The following MMRN1 variants were observed in gnomAD, a reference collection of about 807,000 sequenced individuals.
MMRN1 encodes multimerin-1.
A neutral mutation model predicts 100.7 loss-of-function variants in MMRN1; 94 were observed. The observed-to-expected ratio is 0.93, with a 90% CI of 0.79 to 1.11. The LOEUF is 1.11. MMRN1 is among the 50% of genes least tolerant of loss of function. The probability of loss-of-function intolerance (pLI) is 0.00; values close to 1 mark genes in which losing one functional copy is unlikely to be tolerated. For missense variants in MMRN1, 1,606 were observed against 1,439.1 expected (o/e 1.12, Z -1.88); for synonymous variants, 575 against 505.0 (o/e 1.14, Z -1.86).
chr4:89,911,413 A>T (rs1721746782), intron 2 of MMRN1, among the ~76,000 whole-genome samples: 1 of 151,334 alleles, frequency 6.6e-6, no homozygotes, highest in South Asian at 2.1e-4. Flanking sequence ...ATATGACAAA[A>T]ATAGTAGGTA....
chr4:89,888,894 C>T (rs182316702), intron 1 of MMRN1, among the ~76,000 whole-genome samples: 3 of 152,096 alleles, frequency 2.0e-5, no homozygotes, highest in African/African-American at 7.2e-5. Context: ...CTCTCTTATA[C>T]TTCCAATATC....
chr4:89,935,153 T>C lies in MMRN1; in HGVS notation c.1473T>C (p.Ala491=). 3.7e-6 allele frequency: 6 copies of C among 1,613,486 alleles called. No homozygotes were observed. Among genetic ancestry groups the C allele is most frequent in the Non-Finnish European group, 5.1e-6 (6 of 1,179,704 alleles). ...LEVKQTHLEG[A]LEQEHSRSIL... is the part of the protein sequence containing the mutation. Reference sequence around the variant, plus strand: ...TAAAGCAGACTCATTTAGAAGGTGCTCTAGAACAGGAACACTCAAGAAGCA... The same window carrying C: ...TAAAGCAGACTCATTTAGAAGGTGCCCTAGAACAGGAACACTCAAGAAGCA... The change falls in exon 6 of 8, where the codon GCT becomes GCC. Residue 491 remains alanine, a synonymous_variant. Transcript: ENST00000264790.
Position 89,936,691 on chromosome 4 carries a change from T to C in MMRN1, c.3011T>C (p.Val1004Ala), listed in dbSNP as rs755818683. 3.7e-6 allele frequency: 6 copies of C among 1,613,480 alleles called. No homozygotes were observed. Among genetic ancestry groups the C allele is most frequent in the Non-Finnish European group, 5.1e-6 (6 of 1,179,656 alleles). Residue 1004 changes from valine (V) to alanine (A), a missense_variant, in exon 6 of 8, where the codon GTA becomes GCA. Coordinates refer to ENST00000264790, the MANE Select transcript of MMRN1 (RefSeq NM_007351.3). Reference protein sequence around the residue: ...LANVVKSQKQVKSLPKKINAL... With the variant: ...LANVVKSQKQAKSLPKKINAL... ...AATGTTGTCAAGTCTCAGAAGCAAG[T>C]AAAATCATTGCCAAAGAAAATTAAC...
intron 5 of MMRN1, among the ~76,000 whole-genome samples, chr4:89,928,203 T>C (rs1424652802): frequency 6.6e-6 from 1 of 152,128 alleles, no homozygotes; most frequent in Non-Finnish European, 1.5e-5. Flanking sequence ...TTGATAAACA[T>C]GATGTCTCTA....
chr4:89,950,804 T>C (rs1169251220), intron 6 of MMRN1, among the ~76,000 whole-genome samples: 1 of 152,084 alleles, frequency 6.6e-6, no homozygotes, highest in Non-Finnish European at 1.5e-5. Flanking sequence ...AGCCATCCTC[T>C]TGCCTTGGCC....
chr4:89,918,035 A>AT (rs1376156627), intron 3 of MMRN1, among the ~76,000 whole-genome samples: 2 of 151,610 alleles, frequency 1.3e-5, no homozygotes, highest in Non-Finnish European at 3.0e-5. Context: ...TATTTATTGC[A>AT]TTTTTTTAGT....
At chr4:89,891,071 G>T (rs2110574865), upstream of MMRN1, among the ~76,000 whole-genome samples, 1 of 151,810 alleles carries the variant, frequency 6.6e-6, no homozygotes, top group Admixed American at 6.6e-5. Flanking sequence ...CCAGTCTTTG[G>T]TTTATTATTC....
At chr4:89,887,131 T>C (rs1289491915) in intron 1 of MMRN1, among the ~76,000 whole-genome samples, 3 of 151,984 alleles carry the variant, frequency 2.0e-5, no homozygotes, top group African/African-American at 7.2e-5. Flanking sequence ...TTGTCAAAAA[T>C]TATTGATGAA....
chr4:89,916,364 GAA>G lies in MMRN1; in HGVS notation c.850+4325_850+4326del, dbSNP rs33949270. Among the ~76,000 whole-genome samples, 1,041 of 138,398 alleles carry G rather than the reference GAA, an allele frequency of 7.5e-3. 11 individuals carry two copies. Among genetic ancestry groups the G allele is most frequent in the Non-Finnish European group, 8.1e-3 (524 of 64,680 alleles). The allele number at this position is 138,398 out of a possible 152,430, so 90.8% of individuals were successfully genotyped here. On this transcript the variant is annotated intron_variant, in intron 3 of 7. Transcript: ENST00000264790. The stretch of plus-strand genomic sequence containing the variant: ...AGTACAGTTTTCTCACTTAGATTCT[GAA>G]AAAAAAAAAACAAACAAACAAACAA...
upstream of MMRN1, among the ~76,000 whole-genome samples, chr4:89,890,841 A>G (rs1004851026): frequency 6.6e-6 from 1 of 151,980 alleles, no homozygotes; most frequent in African/African-American, 2.4e-5. Flanking sequence ...TGATCTTATA[A>G]AGTTAAAATT....
intron 7 of MMRN1, among the ~76,000 whole-genome samples, chr4:89,952,427 T>G (rs547633666): frequency 6.6e-6 from 1 of 152,350 alleles, no homozygotes; most frequent in South Asian, 2.1e-4. Flanking sequence ...ATATCCTGCA[T>G]AGTGAAATGT....
At chr4:89,946,975 G>A (rs902914652) in intron 6 of MMRN1, among the ~76,000 whole-genome samples, 1 of 152,020 alleles carries the variant, frequency 6.6e-6, no homozygotes, top group Non-Finnish European at 1.5e-5. Context: ...GGGAGAAGTT[G>A]TGGAAAGTTC....
At chr4:89,893,729 A>G (rs888665823), upstream of MMRN1, among the ~76,000 whole-genome samples, 1 of 152,134 alleles carries the variant, frequency 6.6e-6, no homozygotes. Flanking sequence ...ATCCTAGCAC[A>G]TAAGAGAGTG....
At chr4:89,933,335 T>A (rs1431529559) in intron 5 of MMRN1, among the ~76,000 whole-genome samples, 1 of 152,170 alleles carries the variant, frequency 6.6e-6, no homozygotes, top group African/African-American at 2.4e-5. Flanking sequence ...CATATTCCCG[T>A]CTTCTTCAGA....
intron 5 of MMRN1, among the ~76,000 whole-genome samples, chr4:89,931,468 T>C (rs1486107997): frequency 1.3e-5 from 2 of 152,186 alleles, no homozygotes; most frequent in Non-Finnish European, 2.9e-5. Context: ...GACTTTCCTG[T>C]CTAAAATGCT....
chr4:89,943,320 T>C (rs1722890977), intron 6 of MMRN1, among the ~76,000 whole-genome samples: 1 of 152,208 alleles, frequency 6.6e-6, no homozygotes, highest in Admixed American at 6.5e-5. Context: ...ACTAAGAAAC[T>C]GCTTGTACAC....
At chr4:89,882,096 ACGTC>A (rs1560574796) in intron 1 of MMRN1, among the ~76,000 whole-genome samples, 1 of 151,740 alleles carries the variant, frequency 6.6e-6, no homozygotes, top group Admixed American at 6.6e-5. Flanking sequence ...GAATGACCAT[ACGTC>A]TTTAATTTAA....
intron 1 of MMRN1, among the ~76,000 whole-genome samples, chr4:89,886,674 A>G (rs780186218): frequency 1.3e-5 from 2 of 152,086 alleles, no homozygotes; most frequent in Non-Finnish European, 2.9e-5. Flanking sequence ...TTCTCCCTTT[A>G]ATTCTGTCCA....
In MMRN1 at chr4:89,909,364, T is replaced by C. The variant is rs1721670736; in HGVS notation, c.712T>C (p.Cys238Arg). 1 of 1,609,922 alleles carries C rather than the reference T, an allele frequency of 6.2e-7. No homozygotes were observed. Among genetic ancestry groups the C allele is most frequent in the Non-Finnish European group, 8.5e-7 (1 of 1,177,492 alleles). ...TTATGTCCCAGGTGGGAAAGGACCT[T>C]GTGGCTGGACCGGTGGATCCTGTCC... ...VTYVPGGKGP[C>R]GWTGGSCPQR... is the part of the protein sequence containing the mutation. Residue 238 changes from cysteine (C) to arginine (R), a missense_variant, in exon 2 of 8, where the codon TGT becomes CGT. Coordinates refer to ENST00000264790, the MANE Select transcript of MMRN1 (RefSeq NM_007351.3).
Sources: allele counts gnomAD v4.1 joint callset (sites outside exome capture counted in the v4.1 genomes callset), GRCh38; gene constraint gnomAD v4.1.1; transcripts MANE v1.5; gene names NCBI Gene and HGNC (gene_info 2026-07-23, HGNC 2026-07-21).